PLD1: variants seen among roughly 807,000 people sequenced by gnomAD.
The protein encoded by PLD1 is phospholipase D1.
A neutral mutation model predicts 137.1 loss-of-function variants in PLD1; 112 were observed. That is an observed-to-expected ratio of 0.82 (90% confidence interval 0.70 to 0.96). The LOEUF is 0.96. Among genes scored for constraint, PLD1 ranks in the 40% least tolerant of loss-of-function variants. The pLI is 0.00. For synonymous variants in PLD1, 431 were observed against 454.7 expected (o/e 0.95, Z 0.66); for missense variants, 1,321 against 1,342.0 (o/e 0.98, Z 0.24).
intron 25 of PLD1, among the ~76,000 whole-genome samples, chr3:171,607,522 A>G (rs1281884609): frequency 1.3e-5 from 2 of 152,166 alleles, no homozygotes; most frequent in Admixed American, 6.6e-5. Flanking sequence ...TAATTATAAG[A>G]AATTTATATT....
At chr3:171,790,277 C>T (rs192808325) in intron 1 of PLD1, among the ~76,000 whole-genome samples, 118 of 152,314 alleles carry the variant, frequency 7.7e-4, no homozygotes, top group Non-Finnish European at 1.3e-3. Flanking sequence ...GGATTTCAAG[C>T]TTGTTTAGCC....
chr3:171,615,285 AT>A (rs1269865045), intron 24 of PLD1, among the ~76,000 whole-genome samples: 2 of 152,176 alleles, frequency 1.3e-5, no homozygotes, highest in African/African-American at 4.8e-5. Flanking sequence ...AATAAGGGGA[AT>A]TTTGGTCTTT....
At chr3:171,799,959 C>A (rs1723580314) in intron 1 of PLD1, among the ~76,000 whole-genome samples, 1 of 152,088 alleles carries the variant, frequency 6.6e-6, no homozygotes, top group African/African-American at 2.4e-5. Flanking sequence ...CCCAAGGAGA[C>A]ACAACTATGA....
chr3:171,777,398 G>A (rs144524324), intron 1 of PLD1, among the ~76,000 whole-genome samples: 167 of 152,328 alleles, frequency 1.1e-3, no homozygotes, highest in South Asian at 3.5e-3. Flanking sequence ...GCGTGTAAGG[G>A]AAGAGGGAAC....
Position 171,708,738 on chromosome 3 carries a change from C to A in PLD1, c.1145+17G>T, listed in dbSNP as rs1391026775. 1 of 1,443,970 alleles carries A rather than the reference C, an allele frequency of 6.9e-7. No individual in the cohort carries two copies. The highest frequency in any genetic ancestry group is 1.4e-5 in the African/African-American group (1 of 71,664). 89.4% of individuals were successfully genotyped at this position (1,443,970 alleles called of 1,614,324 possible). A position where few individuals can be genotyped will look rare whatever the true frequency, so the allele number is the denominator to read the frequency against. Reference sequence around the variant, plus strand: ...ATAGAGACTTCCAGAAAAAAATTCCCAGGGACAAATACTAACCACCAGTCT... The same window carrying A: ...ATAGAGACTTCCAGAAAAAAATTCCAAGGGACAAATACTAACCACCAGTCT... On this transcript the variant is annotated intron_variant, in intron 11 of 26. Transcript: ENST00000351298.
At chr3:171,731,466 G>T (rs879018018) in intron 6 of PLD1, among the ~76,000 whole-genome samples, 2 of 152,174 alleles carry the variant, frequency 1.3e-5, no homozygotes, top group Admixed American at 1.3e-4. Flanking sequence ...CTGTTGGAGA[G>T]AATAATCTCA....
At chr3:171,664,621 C>G (rs973359247) in intron 19 of PLD1, among the ~76,000 whole-genome samples, 5 of 109,468 alleles carry the variant, frequency 4.6e-5, no homozygotes, top group Non-Finnish European at 9.2e-5. Context: ...CCATGCCCAG[C>G]TATTTTTTTT....
At chr3:171,710,713 G>C (rs1258243859) in intron 9 of PLD1, among the ~76,000 whole-genome samples, 1 of 152,028 alleles carries the variant, frequency 6.6e-6, no homozygotes, top group Non-Finnish European at 1.5e-5. Context: ...CATTCCCTCA[G>C]CTTCTGGAAA....
intron 19 of PLD1, among the ~76,000 whole-genome samples, chr3:171,663,070 T>C (rs1221337857): frequency 6.6e-6 from 1 of 152,220 alleles, no homozygotes; most frequent in Non-Finnish European, 1.5e-5. Context: ...CTTTTTTCTC[T>C]AAACCATTTC....
At chr3:171,623,353 C>T (rs1240077927) in intron 23 of PLD1, among the ~76,000 whole-genome samples, 1 of 143,184 alleles carries the variant, frequency 7.0e-6, no homozygotes, top group Non-Finnish European at 1.5e-5. Context: ...CTCGCTCTGT[C>T]ACCCAGGCTG....
intron 5 of PLD1, among the ~76,000 whole-genome samples, chr3:171,734,227 A>G (rs1313630718): frequency 1.3e-5 from 2 of 152,258 alleles, no homozygotes; most frequent in Non-Finnish European, 2.9e-5. Context: ...GACAACTACA[A>G]AGGAGAAATC....
intron 24 of PLD1, among the ~76,000 whole-genome samples, chr3:171,614,403 A>C (rs762766848): frequency 3.9e-5 from 6 of 152,214 alleles, no homozygotes; most frequent in Non-Finnish European, 5.9e-5. Flanking sequence ...GCTTTAATAT[A>C]ATCTTTCATA....
At chr3:171,783,289 C>A (rs183544130) in intron 1 of PLD1, among the ~76,000 whole-genome samples, 2 of 151,806 alleles carry the variant, frequency 1.3e-5, no homozygotes, top group Non-Finnish European at 2.9e-5. Context: ...AGGAATGCTC[C>A]GTGGTTTGGA....
Position 171,764,945 on chromosome 3 carries a change from A to G in PLD1, c.-31-26863T>C, listed in dbSNP as rs71629241. On this transcript the variant is annotated intron_variant, in intron 1 of 26. Coordinates refer to ENST00000351298, the MANE Select transcript of PLD1 (RefSeq NM_002662.5). ...GAAAGGAAAGAAAGGAAAGAAAGAA[A>G]GAAAGAAAGAAAGAAAGAAAGAAAG... Among the ~76,000 whole-genome samples the G allele has an allele frequency of 4.4e-3, 122 of 27,718 alleles. 10 individuals are homozygous for G. The highest frequency in any genetic ancestry group is 0.036 in the Middle Eastern group (1 of 28). 18.2% of individuals were successfully genotyped at this position (27,718 alleles called of 152,430 possible).
At chr3:171,663,560 A>G (rs1285533920) in intron 19 of PLD1, among the ~76,000 whole-genome samples, 3 of 152,228 alleles carry the variant, frequency 2.0e-5, no homozygotes, top group African/African-American at 7.2e-5. Context: ...GAGCTGTGGC[A>G]GGTCATGTCA....
At chr3:171,778,665 C>T (rs532819805) in intron 1 of PLD1, among the ~76,000 whole-genome samples, 4 of 152,082 alleles carry the variant, frequency 2.6e-5, no homozygotes, top group East Asian at 1.9e-4. Flanking sequence ...ACAAACTTGG[C>T]GTGTTCAAGA....
rs964526247 is a variant in PLD1, at chr3:171,768,408, T to C, written c.-31-30326A>G. Among the ~76,000 whole-genome samples, 4 of 152,262 alleles carry C rather than the reference T, an allele frequency of 2.6e-5. No individual in the cohort carries two copies. In the East Asian group the frequency reaches 5.8e-4, roughly 22 times the overall value. On this transcript the variant is annotated intron_variant, in intron 1 of 26. Coordinates refer to ENST00000351298, the MANE Select transcript of PLD1 (RefSeq NM_002662.5). ...GGCACAGTTCATTTTAGTCAATACA[T>C]GAAGCTGACAAGGCTATAAACTGCA... is the stretch of plus-strand genomic sequence containing the variant.
At chr3:171,622,845 A>C (rs1258627447) in intron 23 of PLD1, among the ~76,000 whole-genome samples, 1 of 151,398 alleles carries the variant, frequency 6.6e-6, no homozygotes, top group Non-Finnish European at 1.5e-5. Context: ...AAATATAATA[A>C]CAGGATATAA....
At chr3:171,758,251 G>A (rs76981856) in intron 1 of PLD1, among the ~76,000 whole-genome samples, 2,837 of 152,272 alleles carry the variant, frequency 0.019, 41 homozygotes, top group Admixed American at 0.031. Flanking sequence ...GGTTTAGAGG[G>A]ATTGGTCATG....
Sources: allele counts gnomAD v4.1 joint callset (sites outside exome capture counted in the v4.1 genomes callset), GRCh38; gene constraint gnomAD v4.1.1; transcripts MANE v1.5; gene names NCBI Gene and HGNC (gene_info 2026-07-23, HGNC 2026-07-21).